XKR9: variants seen among roughly 807,000 people sequenced by gnomAD.
XKR9 encodes the protein XK related 9.
Under a neutral mutation model 32.0 loss-of-function variants are expected in XKR9, and 32 were observed. That is an observed-to-expected ratio of 1.00 (90% CI 0.76 to 1.34). The LOEUF (loss-of-function observed/expected upper bound fraction) is 1.34, where lower values mean the gene tolerates loss of function less well. Among genes scored for constraint, XKR9 ranks in the 40% most tolerant of loss-of-function variants. The probability of loss-of-function intolerance (pLI) is 0.00; values close to 1 mark genes in which losing one functional copy is unlikely to be tolerated. For missense variants in XKR9, 546 were observed against 429.7 expected, an observed-to-expected ratio of 1.27 and a Z score of -2.39; for synonymous variants, 168 against 143.4, an observed-to-expected ratio of 1.17 and a Z score of -1.22.
the XKR9 span, among the ~76,000 whole-genome samples, chr8:71,015,137 C>A: frequency 1.3e-5 from 2 of 152,142 alleles, no homozygotes; most frequent in African/African-American, 4.8e-5. Context: ...GCTTTTGGGT[C>A]TGTGAAACCA....
intron 3 of XKR9, among the ~76,000 whole-genome samples, chr8:70,703,352 A>G (rs1805605700): frequency 6.6e-6 from 1 of 152,074 alleles, no homozygotes; most frequent in Non-Finnish European, 1.5e-5. Flanking sequence ...TGAGGTGGCT[A>G]TAAAACAAAA....
chr8:70,853,709 G>A, the XKR9 span, among the ~76,000 whole-genome samples: 1 of 152,044 alleles, frequency 6.6e-6, no homozygotes, highest in Non-Finnish European at 1.5e-5. Context: ...CCTGGTGTGT[G>A]ATGTTCCCCT....
the XKR9 span, among the ~76,000 whole-genome samples, chr8:71,015,702 A>G: frequency 6.6e-6 from 1 of 152,196 alleles, no homozygotes. Flanking sequence ...GTTAATGCAC[A>G]GAGATGATCT....
chr8:71,000,981 T>C, the XKR9 span, among the ~76,000 whole-genome samples: 21 of 152,318 alleles, frequency 1.4e-4, no homozygotes, highest in Non-Finnish European at 2.9e-4. Flanking sequence ...TCAGCTCTAG[T>C]TTCTGGCTTT....
the XKR9 span, among the ~76,000 whole-genome samples, chr8:70,893,198 A>C: frequency 2.0e-5 from 3 of 152,256 alleles, no homozygotes; most frequent in Non-Finnish European, 4.4e-5. Flanking sequence ...CTTTTGTAAA[A>C]AACGATTCCT....
chr8:70,906,200 T>C, the XKR9 span, among the ~76,000 whole-genome samples: 2 of 152,214 alleles, frequency 1.3e-5, no homozygotes, highest in South Asian at 4.1e-4. Context: ...CTGCTGCCTT[T>C]TGTTCAGCTT....
At chr8:70,784,126 C>T (rs1214951534) in intron 2 of XKR9, among the ~76,000 whole-genome samples, 1 of 152,138 alleles carries the variant, frequency 6.6e-6, no homozygotes, top group Non-Finnish European at 1.5e-5. Flanking sequence ...ATTTTGAAGT[C>T]AGGTAGTGTG....
At chr8:70,797,970 T>A in the XKR9 span, among the ~76,000 whole-genome samples, 1 of 152,210 alleles carries the variant, frequency 6.6e-6, no homozygotes, top group Non-Finnish European at 1.5e-5. Context: ...GCATTTAGGT[T>A]GATTCCATGT....
the XKR9 span, among the ~76,000 whole-genome samples, chr8:70,885,417 TA>T: frequency 6.6e-6 from 1 of 152,226 alleles, no homozygotes; most frequent in Non-Finnish European, 1.5e-5. Flanking sequence ...TTTAAAATTT[TA>T]CTTTAAGTTC....
the XKR9 span, among the ~76,000 whole-genome samples, chr8:71,051,754 A>G: frequency 1.3e-5 from 2 of 152,238 alleles, no homozygotes; most frequent in African/African-American, 4.8e-5. Flanking sequence ...AACAGCTTAA[A>G]CCAGGAGAAA....
the XKR9 span, among the ~76,000 whole-genome samples, chr8:71,023,111 A>AT: frequency 1.3e-5 from 2 of 151,450 alleles, no homozygotes; most frequent in African/African-American, 2.4e-5. Flanking sequence ...CTATACATTT[A>AT]TTTTTTATTG....
chr8:70,822,122 G>A, the XKR9 span, among the ~76,000 whole-genome samples: 15 of 152,116 alleles, frequency 9.9e-5, no homozygotes, highest in African/African-American at 2.9e-4. Context: ...GGCTATAGAT[G>A]CATTAAGTTA....
At chr8:70,787,286 TA>T (rs936933682) in intron 2 of XKR9, among the ~76,000 whole-genome samples, 4 of 152,204 alleles carry the variant, frequency 2.6e-5, no homozygotes, top group Non-Finnish European at 5.9e-5. Flanking sequence ...TTTGAATTTT[TA>T]AATATGTTTC....
chr8:70,996,117 G>A, the XKR9 span, among the ~76,000 whole-genome samples: 1 of 152,132 alleles, frequency 6.6e-6, no homozygotes, highest in Non-Finnish European at 1.5e-5. Flanking sequence ...ACTAACAAAA[G>A]ACTAATTAAC....
chr8:70,803,159 T>G, the XKR9 span, among the ~76,000 whole-genome samples: 3 of 152,204 alleles, frequency 2.0e-5, no homozygotes, highest in Non-Finnish European at 2.9e-5. Flanking sequence ...CCTTTATTTT[T>G]TAAATTATTG....
chr8:71,055,858 A>G, the XKR9 span, among the ~76,000 whole-genome samples: 2 of 152,204 alleles, frequency 1.3e-5, no homozygotes, highest in African/African-American at 4.8e-5. Flanking sequence ...ATTATATTAA[A>G]CTCAATAATT....
chr8:70,958,019 C>G, the XKR9 span, among the ~76,000 whole-genome samples: 4 of 152,186 alleles, frequency 2.6e-5, no homozygotes, highest in South Asian at 8.3e-4. Flanking sequence ...AACTCTCGAT[C>G]TCAGGTGATC....
chr8:70,784,806 A>G (rs574505351), intron 2 of XKR9, among the ~76,000 whole-genome samples: 2 of 152,126 alleles, frequency 1.3e-5, no homozygotes, highest in East Asian at 3.9e-4. Context: ...TCAATTTTTC[A>G]TCATTGAGTA....
the XKR9 span, among the ~76,000 whole-genome samples, chr8:70,980,160 G>A: frequency 6.6e-6 from 1 of 152,216 alleles, no homozygotes; most frequent in African/African-American, 2.4e-5. Context: ...TCCTGGTATA[G>A]TCTGCCATGG....
Sources: allele counts gnomAD v4.1 joint callset (sites outside exome capture counted in the v4.1 genomes callset), GRCh38; gene constraint gnomAD v4.1.1; transcripts MANE v1.5; gene names NCBI Gene and HGNC (gene_info 2026-07-23, HGNC 2026-07-21).